Variants in TMTC2 observed in about 807,000 individuals in gnomAD.
TMTC2 encodes the protein transmembrane O-mannosyltransferase targeting cadherins 2, also known as protein O-mannosyl-transferase TMTC2.
In TMTC2, 43 loss-of-function variants were observed where a neutral mutation model predicts 82.4. That is an observed-to-expected ratio of 0.52 (90% CI 0.41 to 0.67). TMTC2 has a LOEUF of 0.67. Ranked by LOEUF, TMTC2 falls within the 30% of genes least tolerant of loss-of-function variation. TMTC2 has a pLI of 0.00. For missense variants in TMTC2, 919 were observed against 1,012.4 expected, an observed-to-expected ratio of 0.91 and a Z score of 1.25; for synonymous variants, 408 against 381.9, an observed-to-expected ratio of 1.07 and a Z score of -0.80.
chr12:83,078,345 A>G (rs1455889329), intron 11 of TMTC2, among the ~76,000 whole-genome samples: 1 of 152,198 alleles, frequency 6.6e-6, no homozygotes, highest in Non-Finnish European at 1.5e-5. Flanking sequence ...CTGGGTTGTT[A>G]TACTGTTAAG....
intron 3 of TMTC2, among the ~76,000 whole-genome samples, chr12:82,901,488 A>G (rs1242895047): frequency 6.6e-6 from 1 of 151,170 alleles, no homozygotes; most frequent in African/African-American, 2.4e-5. Flanking sequence ...TATTTTTAGT[A>G]GAGACGGGTT....
At chr12:82,821,040 G>A (rs769777104) in intron 1 of TMTC2, among the ~76,000 whole-genome samples, 9 of 149,402 alleles carry the variant, frequency 6.0e-5, no homozygotes, top group African/African-American at 7.4e-5. Flanking sequence ...TTTTTTTTTC[G>A]TAGAGGAAGA....
chr12:82,985,287 A>T (rs766759075), intron 7 of TMTC2, among the ~76,000 whole-genome samples: 54 of 152,072 alleles, frequency 3.6e-4, no homozygotes, highest in Non-Finnish European at 6.8e-4. Context: ...CCTAGACTCA[A>T]GCTATCCGCC....
intron 1 of TMTC2, among the ~76,000 whole-genome samples, chr12:82,721,860 A>T (rs1275843248): frequency 6.6e-6 from 1 of 152,144 alleles, no homozygotes; most frequent in African/African-American, 2.4e-5. Flanking sequence ...CATGAGTACT[A>T]TGTGATATAA....
chr12:82,942,989 G>A (rs139436938), intron 4 of TMTC2, among the ~76,000 whole-genome samples: 78 of 152,268 alleles, frequency 5.1e-4, no homozygotes, highest in African/African-American at 1.6e-3. Context: ...GTAAGTTGCT[G>A]CAAGTGGTCT....
At chr12:83,045,504 T>C (rs957983943) in intron 9 of TMTC2, among the ~76,000 whole-genome samples, 33 of 152,304 alleles carry the variant, frequency 2.2e-4, no homozygotes, top group African/African-American at 7.9e-4. Context: ...CTCAGAAATC[T>C]GTTGTTCCCT....
chr12:82,911,222 C>T (rs1238374748), intron 3 of TMTC2, among the ~76,000 whole-genome samples: 1 of 151,920 alleles, frequency 6.6e-6, no homozygotes, highest in African/African-American at 2.4e-5. Flanking sequence ...TGTGGGGGGG[C>T]CAGGGTGGTC....
intron 11 of TMTC2, among the ~76,000 whole-genome samples, chr12:83,129,634 A>G (rs1201556449): frequency 2.0e-5 from 3 of 152,210 alleles, no homozygotes; most frequent in Non-Finnish European, 4.4e-5. Context: ...TAAAAAGGCT[A>G]GAAAGCTAGT....
chr12:82,835,768 C>A (rs1233990554), intron 1 of TMTC2, among the ~76,000 whole-genome samples: 1 of 152,162 alleles, frequency 6.6e-6, no homozygotes, highest in African/African-American at 2.4e-5. Context: ...ATGGACATTG[C>A]AGTTGGTAAA....
At chr12:82,798,807 C>CACAAAAAA (rs1878856542) in intron 1 of TMTC2, among the ~76,000 whole-genome samples, 1 of 88,380 alleles carries the variant, frequency 1.1e-5, no homozygotes, top group African/African-American at 4.4e-5. Flanking sequence ...AACTCCGTCT[C>CACAAAAAA]AAAAAAAAAA....
intron 4 of TMTC2, among the ~76,000 whole-genome samples, chr12:82,945,314 A>G (rs1050734532): frequency 6.6e-6 from 1 of 152,158 alleles, no homozygotes; most frequent in South Asian, 2.1e-4. Flanking sequence ...AGTGAGTTAA[A>G]CTATTTTCCA....
At chr12:82,935,394 A>G (rs1048247571) in intron 4 of TMTC2, among the ~76,000 whole-genome samples, 2 of 152,130 alleles carry the variant, frequency 1.3e-5, no homozygotes, top group Non-Finnish European at 2.9e-5. Flanking sequence ...CTGATATTTC[A>G]TACAAGAAAT....
intron 1 of TMTC2, among the ~76,000 whole-genome samples, chr12:82,705,226 G>A (rs1178306549): frequency 6.6e-6 from 1 of 152,016 alleles, no homozygotes; most frequent in Non-Finnish European, 1.5e-5. Flanking sequence ...AAAGATGTTG[G>A]GTGCAATGTA....
At chr12:83,127,460 T>G (rs2137569798) in intron 11 of TMTC2, among the ~76,000 whole-genome samples, 1 of 152,220 alleles carries the variant, frequency 6.6e-6, no homozygotes, top group East Asian at 1.9e-4. Flanking sequence ...AGAGCCCAAC[T>G]ACTGCAGGGG....
At chr12:83,017,548 A>G (rs184842338) in intron 8 of TMTC2, among the ~76,000 whole-genome samples, 2 of 152,282 alleles carry the variant, frequency 1.3e-5, no homozygotes, top group African/African-American at 4.8e-5. Context: ...AATTTCATTC[A>G]TTAGTACAGA....
chr12:82,899,339 GCCTCCTCTTTTCCCTTCACAGTTGA>G (rs1403743067), intron 3 of TMTC2, among the ~76,000 whole-genome samples: 2 of 151,572 alleles, frequency 1.3e-5, no homozygotes, highest in South Asian at 2.1e-4. Flanking sequence ...AGTCATCCCT[GCCTCCTCTTTTCCCTTCACAGTTGA>G]CCTCCTCTTT....
intron 11 of TMTC2, among the ~76,000 whole-genome samples, chr12:83,077,205 T>C (rs890643706): frequency 1.3e-5 from 2 of 152,170 alleles, no homozygotes; most frequent in Admixed American, 1.3e-4. Flanking sequence ...AGAAATGGCA[T>C]GTGCAGGAAG....
intron 8 of TMTC2, among the ~76,000 whole-genome samples, chr12:83,007,577 C>G (rs923188571): frequency 6.6e-6 from 1 of 152,126 alleles, no homozygotes; most frequent in African/African-American, 2.4e-5. Flanking sequence ...CCCTCCTGTC[C>G]TTTATGACAT....
chr12:82,899,821 G>GAT (rs1171418752), intron 3 of TMTC2, among the ~76,000 whole-genome samples: 49 of 135,748 alleles, frequency 3.6e-4, no homozygotes, highest in African/African-American at 1.4e-3. Flanking sequence ...CCGGAATATA[G>GAT]ATATAGGAAT....
Sources: gnomAD v4.1 joint callset for allele counts (sites outside exome capture counted in the v4.1 genomes callset) on GRCh38, gnomAD v4.1.1 for gene constraint, MANE v1.5 for transcripts, NCBI Gene and HGNC (gene_info 2026-07-23, HGNC 2026-07-21) for gene names.